JADE3: variants seen among roughly 807,000 people sequenced by gnomAD.
The protein encoded by JADE3 is protein Jade-3.
Under a neutral mutation model 50.1 loss-of-function variants are expected in JADE3, and 2 were observed. That is an observed-to-expected ratio of 0.04 (90% confidence interval 0.02 to 0.13). The LOEUF is 0.13. Among genes scored for constraint, JADE3 ranks in the 10% least tolerant of loss-of-function variants. The pLI is 1.00. For missense variants in JADE3, 475 were observed against 634.4 expected (o/e 0.75, Z 2.70); for synonymous variants, 218 against 232.9 (o/e 0.94, Z 0.58).
At chrX:47,028,642 C>G (rs1418274645) in intron 6 of JADE3, among the ~76,000 whole-genome samples, 2 of 111,545 alleles carry the variant, frequency 1.8e-5, no homozygotes, top group African/African-American at 6.5e-5. Flanking sequence ...CAATTTTACA[C>G]AAATACCGGG....
At chrX:47,056,232 A>T (rs1556373402) in intron 10 of JADE3, 33 bp downstream of exon 10, 1 of 754,989 alleles carries the variant, frequency 1.3e-6, no homozygotes, top group South Asian at 2.2e-5. Context: ...CCTAACAAAT[A>T]TGTAGACTCT....
intron 1 of JADE3, among the ~76,000 whole-genome samples, chrX:46,967,853 A>G (rs1478068250): frequency 3.6e-5 from 4 of 112,530 alleles, no homozygotes; most frequent in Non-Finnish European, 7.5e-5. Context: ...CAGAATGCTA[A>G]TAAGTAGTGA....
chrX:46,978,351 G>T (rs1306928806), intron 1 of JADE3, among the ~76,000 whole-genome samples: 2 of 111,884 alleles, frequency 1.8e-5, no homozygotes, highest in African/African-American at 6.5e-5. Flanking sequence ...TGCAAGTGAG[G>T]TGCTTCTTTG....
At chrX:46,923,393 C>CTCTTTTTTTTTTTTTTTTTTTTT (rs1556338199) in intron 1 of JADE3, among the ~76,000 whole-genome samples, 1 of 11,525 alleles carries the variant, frequency 8.7e-5, no homozygotes, top group African/African-American at 2.0e-4. Context: ...CTCTCTCTCT[C>CTCTTTTTTTTTTTTTTTTTTTTT]TTTTTTTTTT....
intron 4 of JADE3, among the ~76,000 whole-genome samples, chrX:46,999,160 A>G (rs1198411620): frequency 9.1e-6 from 1 of 110,170 alleles, no homozygotes; most frequent in African/African-American, 3.3e-5. Flanking sequence ...AGAGTGAGCC[A>G]AGCTCACTTT....
At chrX:46,917,834 C>CTCCTCT (rs1556336773) in intron 1 of JADE3, among the ~76,000 whole-genome samples, 4 of 42,535 alleles carry the variant, frequency 9.4e-5, no homozygotes, top group African/African-American at 2.0e-4. Flanking sequence ...TCTCTCTCAT[C>CTCCTCT]CTCTCTCTCT....
At chrX:46,941,247 T>G (rs1556342200) in intron 1 of JADE3, among the ~76,000 whole-genome samples, 3 of 111,931 alleles carry the variant, frequency 2.7e-5, no homozygotes, top group African/African-American at 9.7e-5. Context: ...GAACATGATT[T>G]CATTCTTTTT....
chrX:47,034,585 C>G (rs1299224377), intron 7 of JADE3, among the ~76,000 whole-genome samples: 1 of 110,150 alleles, frequency 9.1e-6, no homozygotes, highest in African/African-American at 3.3e-5. Context: ...ATGCCCTTTA[C>G]TTTTTTATTT....
In JADE3 at chrX:46,986,205, G is replaced by A. The variant is rs782080951; in HGVS notation, c.126+413G>A. On this transcript the variant is annotated intron_variant, in intron 3 of 10. Coordinates refer to ENST00000614628, the MANE Select transcript of JADE3 (RefSeq NM_014735.5). The stretch of plus-strand genomic sequence containing the variant: ...TTTTCTTTATAAATACTTAGCCTCA[G>A]GTATTCCTTTATAGCAATACTAAAT... Among the ~76,000 whole-genome samples, 4 of 111,561 alleles carry A rather than the reference G, an allele frequency of 3.6e-5. No homozygotes were observed. In the South Asian group the frequency reaches 1.1e-3, roughly 32 times the overall value.
intron 8 of JADE3, among the ~76,000 whole-genome samples, chrX:47,043,695 T>A (rs1165397151): frequency 1.8e-5 from 2 of 108,905 alleles, no homozygotes; most frequent in East Asian, 5.7e-4. Context: ...GGTGGGCGCC[T>A]GTAGTCCCAG....
chrX:46,945,415 T>C (rs1441166873), intron 1 of JADE3, among the ~76,000 whole-genome samples: 1 of 111,220 alleles, frequency 9.0e-6, no homozygotes, highest in Non-Finnish European at 1.9e-5. Context: ...TTTGGTGACC[T>C]CTTGGGCAGG....
intron 9 of JADE3, among the ~76,000 whole-genome samples, chrX:47,055,493 C>T (rs1199719761): frequency 8.9e-6 from 1 of 112,166 alleles, no homozygotes; most frequent in Non-Finnish European, 1.9e-5. Context: ...TTAATTCTAA[C>T]ATGCCCATGA....
intron 4 of JADE3, among the ~76,000 whole-genome samples, chrX:47,009,272 C>T (rs1329604871): frequency 9.0e-6 from 1 of 110,984 alleles, no homozygotes; most frequent in Admixed American, 9.6e-5. Context: ...CAGTGAGCCA[C>T]TGCAGGCTGC....
intron 8 of JADE3, among the ~76,000 whole-genome samples, chrX:47,042,777 C>T (rs1268063414): frequency 9.0e-6 from 1 of 111,309 alleles, no homozygotes; most frequent in Non-Finnish European, 1.9e-5. Flanking sequence ...AGGAGGAATT[C>T]GCCACCCTGA....
In JADE3 at chrX:47,058,298, C is replaced by T; in HGVS notation, c.1693C>T (p.His565Tyr). 8.3e-7 allele frequency: 1 copy of T among 1,211,194 alleles called. No homozygotes were observed. Among genetic ancestry groups the T allele is most frequent in the Non-Finnish European group, 1.1e-6 (1 of 895,328 alleles). The change falls in exon 11 of 11, where the codon CAC (histidine) becomes TAC (tyrosine). Residue 565 changes from histidine to tyrosine, a missense_variant. His to Tyr is a moderately conservative substitution (Grantham distance 83). This residue lies in a region of JADE3 where 243 missense variants were observed against 238.2 expected (regional missense o/e 1.02). Transcript: ENST00000614628. ...NSSTETDQQP[H>Y]SPDSSSSVHS... The stretch of plus-strand genomic sequence containing the variant: ...CTCCACAGAAACCGATCAGCAGCCC[C>T]ACTCTCCTGACAGCAGCTCATCTGT...
intron 10 of JADE3, among the ~76,000 whole-genome samples, chrX:47,056,891 C>T (rs1929642365): frequency 3.6e-5 from 4 of 112,050 alleles, no homozygotes; most frequent in African/African-American, 1.3e-4. Context: ...AACTAGGGGT[C>T]ACTGGACAGG....
chrX:47,055,739 A>G (rs1929620936), intron 9 of JADE3, among the ~76,000 whole-genome samples: 1 of 112,294 alleles, frequency 8.9e-6, no homozygotes, highest in East Asian at 2.8e-4. Context: ...CAGCATTGCC[A>G]TCATTCGTAC....
chrX:46,988,789 T>A (rs1927918400), intron 3 of JADE3, among the ~76,000 whole-genome samples: 1 of 112,848 alleles, frequency 8.9e-6, no homozygotes, highest in Admixed American at 9.3e-5. Flanking sequence ...GTGAATTCTT[T>A]CTTCCTATTT....
rs1556374230 is a variant in JADE3, at chrX:47,058,887, A to G, written c.2282A>G (p.Tyr761Cys). 3 of 1,211,447 alleles carry G rather than the reference A, an allele frequency of 2.5e-6. No homozygotes were observed. In the South Asian group the frequency reaches 5.3e-5, roughly 21 times the overall value. The change falls in exon 11 of 11, where the codon TAT becomes TGT. Residue 761 changes from tyrosine (Y) to cysteine (C), a missense_variant. This residue lies in a region of JADE3 where 243 missense variants were observed against 238.2 expected (regional missense o/e 1.02). Coordinates refer to ENST00000614628, the MANE Select transcript of JADE3 (RefSeq NM_014735.5). ...VLRRSAGRAP[Y>C]QENDGYCPDL... Reference sequence around the variant, plus strand: ...AGGCGGTCTGCAGGGAGAGCTCCATATCAGGAAAATGATGGCTATTGCCCA... The same window carrying G: ...AGGCGGTCTGCAGGGAGAGCTCCATGTCAGGAAAATGATGGCTATTGCCCA...
Sources: gnomAD v4.1 joint callset for allele counts (sites outside exome capture counted in the v4.1 genomes callset) on GRCh38, gnomAD v4.1.1 for gene constraint, gnomAD v4.1.1 regional missense constraint, MANE v1.5 for transcripts, NCBI Gene and HGNC (gene_info 2026-07-23, HGNC 2026-07-21) for gene names.